Variants in HAO1 observed in about 807,000 individuals in gnomAD.
The protein encoded by HAO1 is 2-Hydroxyacid oxidase 1.
Under a neutral mutation model 39.7 loss-of-function variants are expected in HAO1, and 34 were observed. The ratio of observed to expected loss-of-function variants is 0.86; its 90% confidence interval spans 0.65 to 1.14. The LOEUF is 1.14. Among genes scored for constraint, HAO1 ranks in the 50% most tolerant of loss-of-function variants. The pLI is 0.00. For synonymous variants in HAO1, 172 were observed against 173.2 expected, an observed-to-expected ratio of 0.99 and a Z score of 0.05; for missense variants, 479 against 464.5, an observed-to-expected ratio of 1.03 and a Z score of -0.29.
intron 4 of HAO1, among the ~76,000 whole-genome samples, chr20:7,897,456 C>G (rs562329601): frequency 2.9e-4 from 44 of 151,800 alleles, no homozygotes; most frequent in African/African-American, 9.4e-4. Flanking sequence ...ATAATTTTTT[C>G]TTTCTATTTA....
At chr20:7,919,912 T>C (rs1430202598) in intron 2 of HAO1, among the ~76,000 whole-genome samples, 1 of 152,168 alleles carries the variant, frequency 6.6e-6, no homozygotes, top group Non-Finnish European at 1.5e-5. Flanking sequence ...AATTGGAAAA[T>C]AGTAATTGCA....
chr20:7,903,140 A>G (rs973038330), intron 4 of HAO1, among the ~76,000 whole-genome samples: 1 of 152,214 alleles, frequency 6.6e-6, no homozygotes, highest in Admixed American at 6.5e-5. Flanking sequence ...GATTGAGCAT[A>G]TGTGTTACTT....
At chr20:7,911,881 C>A (rs1204076267) in intron 3 of HAO1, among the ~76,000 whole-genome samples, 2 of 152,210 alleles carry the variant, frequency 1.3e-5, no homozygotes, top group Non-Finnish European at 2.9e-5. Flanking sequence ...AACAGATGAG[C>A]TTTTGGGGTG....
intron 1 of HAO1, among the ~76,000 whole-genome samples, chr20:7,937,231 A>G (rs2050417175): frequency 6.6e-6 from 1 of 152,150 alleles, no homozygotes; most frequent in South Asian, 2.1e-4. Flanking sequence ...GAAGACACCC[A>G]TGCCTCACCC....
intron 5 of HAO1, among the ~76,000 whole-genome samples, chr20:7,891,708 G>A (rs945480325): frequency 6.6e-6 from 1 of 152,062 alleles, no homozygotes; most frequent in South Asian, 2.1e-4. Context: ...TTAAAAAACG[G>A]TCTCAGGGAA....
intron 1 of HAO1, among the ~76,000 whole-genome samples, chr20:7,936,706 C>T (rs1451889083): frequency 1.3e-5 from 2 of 152,000 alleles, no homozygotes; most frequent in East Asian, 3.9e-4. Context: ...CTTAATTTCC[C>T]TTAAACAGTA....
intron 3 of HAO1, among the ~76,000 whole-genome samples, chr20:7,909,185 G>A (rs547510478): frequency 2.6e-5 from 4 of 151,768 alleles, no homozygotes; most frequent in African/African-American, 9.7e-5. Flanking sequence ...TTGAATGAAT[G>A]TTGCCTTACA....
chr20:7,898,060 CCATTCATTAATG>C (rs1239532763), intron 4 of HAO1, among the ~76,000 whole-genome samples: 1 of 152,112 alleles, frequency 6.6e-6, no homozygotes, highest in African/African-American at 2.4e-5. Flanking sequence ...TTCATCCCAG[CCATTCATTAATG>C]TCTTTAGAAA....
At position 7,934,578 on chromosome 20, in the gene HAO1, A is replaced by G. The variant is rs1443738512; in HGVS notation, c.195T>C (p.Ser65=). 6.2e-7 allele frequency: 1 copy of G among 1,611,962 alleles called. No individual in the cohort carries two copies. Among genetic ancestry groups the G allele is most frequent in the Non-Finnish European group, 8.5e-7 (1 of 1,178,088 alleles). The change falls in exon 2 of 8, where the codon TCT becomes TCC. Residue 65 remains serine (S), a synonymous_variant. Transcript: ENST00000378789. The part of the protein sequence containing the change: ...RNVAETDLST[S]VLGQRVSMPI... ...GCATGCTGACCCTCTGTCCTAAAAC[A>G]GAAGTCGACAGATCTGTTTCAGCAA...
intron 3 of HAO1, among the ~76,000 whole-genome samples, chr20:7,910,819 A>C (rs2050275979): frequency 6.6e-6 from 1 of 152,040 alleles, no homozygotes; most frequent in African/African-American, 2.4e-5. Context: ...CTTAACCAAA[A>C]ATTTAAGAGG....
intron 2 of HAO1, among the ~76,000 whole-genome samples, chr20:7,919,314 C>A (rs1158272950): frequency 6.6e-6 from 1 of 152,156 alleles, no homozygotes; most frequent in Admixed American, 6.6e-5. Flanking sequence ...AGATAGACAC[C>A]TACACTTTTA....
chr20:7,919,291 GACATATCTTC>G (rs2122782851), intron 2 of HAO1, among the ~76,000 whole-genome samples: 1 of 152,234 alleles, frequency 6.6e-6, no homozygotes, highest in Non-Finnish European at 1.5e-5. Flanking sequence ...TTGTCCTTAA[GACATATCTTC>G]AAAGATAGAC....
chr20:7,890,842 T>A (rs1198897377), intron 5 of HAO1, among the ~76,000 whole-genome samples: 1 of 152,158 alleles, frequency 6.6e-6, no homozygotes, highest in Non-Finnish European at 1.5e-5. Flanking sequence ...ATAATAGTGT[T>A]CAATCTCATC....
At chr20:7,890,279 T>A (rs2050168341) in intron 5 of HAO1, among the ~76,000 whole-genome samples, 1 of 152,062 alleles carries the variant, frequency 6.6e-6, no homozygotes, top group Admixed American at 6.6e-5. Flanking sequence ...AATGGCACAA[T>A]CTTGGCTCAC....
intron 2 of HAO1, among the ~76,000 whole-genome samples, chr20:7,917,501 A>G (rs965224354): frequency 5.3e-5 from 8 of 152,126 alleles, no homozygotes; most frequent in Non-Finnish European, 1.0e-4. Context: ...CCATGCCTAG[A>G]TAAATGTACT....
At chr20:7,893,915 A>G (rs549282921) in intron 5 of HAO1, among the ~76,000 whole-genome samples, 28 of 152,330 alleles carry the variant, frequency 1.8e-4, no homozygotes, top group South Asian at 2.1e-4. Flanking sequence ...CAGTTACAGC[A>G]TCAGACACTG....
chr20:7,935,443 G>T (rs925993053), intron 1 of HAO1, among the ~76,000 whole-genome samples: 3 of 152,078 alleles, frequency 2.0e-5, no homozygotes, highest in African/African-American at 7.2e-5. Flanking sequence ...TGTCTAGTTT[G>T]TCTTCTTTTT....
At chr20:7,898,165 A>C (rs1435164748) in intron 4 of HAO1, among the ~76,000 whole-genome samples, 1 of 152,186 alleles carries the variant, frequency 6.6e-6, no homozygotes, top group African/African-American at 2.4e-5. Flanking sequence ...GATTGCTGGC[A>C]GGCATAACAG....
chr20:7,914,889 C>T (rs1207165417), intron 2 of HAO1, among the ~76,000 whole-genome samples: 2 of 152,092 alleles, frequency 1.3e-5, no homozygotes, highest in Non-Finnish European at 1.5e-5. Context: ...GAGGCTGAGG[C>T]GGGTGGATCA....
Sources: gnomAD v4.1 joint callset for allele counts (sites outside exome capture counted in the v4.1 genomes callset) on GRCh38, gnomAD v4.1.1 for gene constraint, MANE v1.5 for transcripts, NCBI Gene and HGNC (gene_info 2026-07-23, HGNC 2026-07-21) for gene names.